Variants in FAM13C observed in about 807,000 individuals in gnomAD.
FAM13C encodes the protein protein FAM13C.
Under a neutral mutation model 73.2 loss-of-function variants are expected in FAM13C, and 37 were observed. That is an observed-to-expected ratio of 0.51 (90% CI 0.39 to 0.67). The LOEUF (loss-of-function observed/expected upper bound fraction) is 0.67. Ranked by LOEUF, FAM13C falls within the 30% of genes least tolerant of loss-of-function variation. FAM13C has a pLI of 0.00. For missense variants in FAM13C, 589 were observed against 715.6 expected, an observed-to-expected ratio of 0.82 and a Z score of 2.02; for synonymous variants, 246 against 260.9, an observed-to-expected ratio of 0.94 and a Z score of 0.55.
intron 5 of FAM13C, among the ~76,000 whole-genome samples, chr10:59,284,514 T>C (rs1845319897): frequency 6.7e-6 from 1 of 150,170 alleles, no homozygotes; most frequent in Non-Finnish European, 1.5e-5. Flanking sequence ...CTGCATATCC[T>C]TTCCCCCACA....
chr10:59,270,476 G>C (rs1349646701), intron 6 of FAM13C, among the ~76,000 whole-genome samples: 1 of 152,058 alleles, frequency 6.6e-6, no homozygotes, highest in African/African-American at 2.4e-5. Context: ...TGGAGCAAAA[G>C]ACTATAGATT....
chr10:59,256,584 C>T (rs1841966110), intron 10 of FAM13C, among the ~76,000 whole-genome samples: 1 of 152,150 alleles, frequency 6.6e-6, no homozygotes, highest in Non-Finnish European at 1.5e-5. Context: ...GGGTTCCATA[C>T]CCTCATGCAT....
Position 59,289,727 on chromosome 10 carries a change from A to G in FAM13C, c.508-6280T>C, listed in dbSNP as rs190784015. Among the ~76,000 whole-genome samples the G allele has an allele frequency of 2.1e-3, 318 of 152,298 alleles. 1 individual carries two copies. Among genetic ancestry groups the G allele is most frequent in the Non-Finnish European group, 4.1e-3 (279 of 68,026 alleles). On this transcript the variant is annotated intron_variant, in intron 5 of 13. Coordinates refer to ENST00000618804, the MANE Select transcript of FAM13C (RefSeq NM_198215.4). ...ACTAACCACCCATTTCACTTCCATCATGCCCGACTTAGTGACCTTCAATGC... is the reference window on the plus strand; with the variant it reads ...ACTAACCACCCATTTCACTTCCATCGTGCCCGACTTAGTGACCTTCAATGC...
chr10:59,297,943 T>C (rs284591), intron 5 of FAM13C, among the ~76,000 whole-genome samples: 149,337 of 152,166 alleles, frequency 0.98, 73,341 homozygotes, highest in Middle Eastern at 1. Context: ...ATTTCTCCCA[T>C]TGATGCCTTA....
intron 4 of FAM13C, among the ~76,000 whole-genome samples, chr10:59,319,119 AT>A (rs1413097961): frequency 1.6e-5 from 2 of 126,844 alleles, no homozygotes; most frequent in African/African-American, 7.5e-5. Flanking sequence ...ACACACACAC[AT>A]TGTCTATCTC....
chr10:59,273,862 C>T (rs1263312406), intron 6 of FAM13C, among the ~76,000 whole-genome samples: 2 of 152,114 alleles, frequency 1.3e-5, no homozygotes, highest in African/African-American at 2.4e-5. Context: ...ATGAGTTAGT[C>T]AGATTTAAAA....
intron 5 of FAM13C, chr10:59,297,174 A>G (rs1847017828): frequency 6.6e-6 from 1 of 152,222 alleles, no homozygotes; most frequent in African/African-American, 2.4e-5. Context: ...TTGGGCATAA[A>G]TGGACAAAGC....
At chr10:59,330,199 T>G (rs1851791358) in intron 3 of FAM13C, among the ~76,000 whole-genome samples, 2 of 152,184 alleles carry the variant, frequency 1.3e-5, no homozygotes, top group Admixed American at 1.3e-4. Flanking sequence ...TTATATTCAA[T>G]ACTTAATTAA....
At chr10:59,291,491 C>T (rs1013860308) in intron 5 of FAM13C, among the ~76,000 whole-genome samples, 2 of 152,148 alleles carry the variant, frequency 1.3e-5, no homozygotes, top group Admixed American at 1.3e-4. Context: ...CGCCACCTCC[C>T]AAAGGAGAAA....
At chr10:59,269,766 T>C in intron 7 of FAM13C, 133 bp downstream of exon 7, 1 of 1,057,112 alleles carries the variant, frequency 9.5e-7, no homozygotes, top group Non-Finnish European at 1.4e-6. Flanking sequence ...ATTTTTGTCA[T>C]TTATTGTTCC....
intron 3 of FAM13C, among the ~76,000 whole-genome samples, chr10:59,345,787 T>C (rs1048758508): frequency 1.3e-5 from 2 of 152,228 alleles, no homozygotes; most frequent in African/African-American, 2.4e-5. Flanking sequence ...CTTTTCTTCC[T>C]GACCAGGAAC....
intron 5 of FAM13C, among the ~76,000 whole-genome samples, chr10:59,290,981 C>T (rs1283529226): frequency 1.3e-5 from 2 of 152,154 alleles, no homozygotes; most frequent in African/African-American, 2.4e-5. Flanking sequence ...ACTCCCAGGA[C>T]GTGCCCATTC....
At chr10:59,292,900 G>A (rs963763753) in intron 5 of FAM13C, among the ~76,000 whole-genome samples, 3 of 151,776 alleles carry the variant, frequency 2.0e-5, no homozygotes, top group Non-Finnish European at 2.9e-5. Flanking sequence ...CATTATTGAC[G>A]AGAGTCACAC....
chr10:59,262,496 C>G lies in FAM13C; in HGVS notation c.1174G>C (p.Asp392His). The G allele has an allele frequency of 6.2e-7, 1 of 1,613,792 alleles. No homozygotes were observed. Among genetic ancestry groups the G allele is most frequent in the Non-Finnish European group, 8.5e-7 (1 of 1,179,784 alleles). Reference sequence around the variant, plus strand: ...TCCTTCAGGCATGTCAAGGCAGCATCTGGAGTCTCTTCTCCAGAGGAGCTT... The same window carrying G: ...TCCTTCAGGCATGTCAAGGCAGCATGTGGAGTCTCTTCTCCAGAGGAGCTT... Reference protein sequence around the residue: ...EPSSSGEETPDAALTCLKERR... With the variant: ...EPSSSGEETPHAALTCLKERR... The change falls in exon 10 of 14, where the codon GAT (aspartate) becomes CAT (histidine). Residue 392 changes from aspartate to histidine, a missense_variant. Physicochemically the swap from Asp to His is moderately conservative, Grantham distance 81. Transcript: ENST00000618804.
intron 1 of FAM13C, chr10:59,361,185 T>C: frequency 9.9e-7 from 1 of 1,011,574 alleles, no homozygotes; most frequent in Non-Finnish European, 1.3e-6. Context: ...ATGAGTATTT[T>C]ACATTGCTTC....
chr10:59,353,802 G>A (rs1433663136), intron 2 of FAM13C, among the ~76,000 whole-genome samples: 1 of 152,184 alleles, frequency 6.6e-6, no homozygotes, highest in Non-Finnish European at 1.5e-5. Flanking sequence ...AACAAACGTA[G>A]TGCTATCTGG....
chr10:59,266,693 G>A (rs1843107037), intron 8 of FAM13C, among the ~76,000 whole-genome samples: 1 of 152,184 alleles, frequency 6.6e-6, no homozygotes, highest in African/African-American at 2.4e-5. Context: ...GTACATGTGT[G>A]TGCATGTGCA....
At chr10:59,306,047 ATG>A (rs1848213287) in intron 4 of FAM13C, among the ~76,000 whole-genome samples, 1 of 152,244 alleles carries the variant, frequency 6.6e-6, no homozygotes. Flanking sequence ...TTCTCAAACT[ATG>A]TTTCTATAGA....
At chr10:59,309,137 C>A (rs75396821) in intron 4 of FAM13C, among the ~76,000 whole-genome samples, 2 of 152,124 alleles carry the variant, frequency 1.3e-5, no homozygotes, top group East Asian at 1.9e-4. Context: ...AGCTATCTAA[C>A]GCTTTTCTTT....
Sources: allele counts gnomAD v4.1 joint callset (sites outside exome capture counted in the v4.1 genomes callset), GRCh38; gene constraint gnomAD v4.1.1; transcripts MANE v1.5; gene names NCBI Gene and HGNC (gene_info 2026-07-23, HGNC 2026-07-21).